NIM1K: variants seen among roughly 807,000 people sequenced by gnomAD.
NIM1K encodes NIM1 serine/threonine protein kinase, also known as serine/threonine-protein kinase NIM1.
A neutral mutation model predicts 37.1 loss-of-function variants in NIM1K; 35 were observed. That is an observed-to-expected ratio of 0.94 (90% CI 0.72 to 1.25). NIM1K has a LOEUF of 1.25. NIM1K is among the 50% of genes most tolerant of loss of function. NIM1K has a pLI of 0.00. For synonymous variants in NIM1K, 234 were observed against 206.6 expected (o/e 1.13, Z -1.14); for missense variants, 564 against 548.0 (o/e 1.03, Z -0.29).
chr5:43,267,364 G>T (rs1428409114), intron 2 of NIM1K, among the ~76,000 whole-genome samples: 1 of 152,008 alleles, frequency 6.6e-6, no homozygotes, highest in Non-Finnish European at 1.5e-5. Flanking sequence ...AGTTAATCTA[G>T]TTAATGGTCT....
Position 43,251,751 on chromosome 5 carries a change from C to T in NIM1K, c.292+5684C>T, listed in dbSNP as rs1752870033. 1.3e-5 allele frequency among the ~76,000 whole-genome samples: 2 copies of T among 152,188 alleles called. 1 individual carries two copies. Among genetic ancestry groups the T allele is most frequent in the Admixed American group, 1.3e-4 (2 of 15,268 alleles). On this transcript the variant is annotated intron_variant, in intron 2 of 3. Transcript: ENST00000326035. ...CACACTTAATTATCAGAAGGTATAT[C>T]ATGGCCAAAAATGGTTGTTGCCAGT...
At chr5:43,265,425 T>A (rs1008360252) in intron 2 of NIM1K, among the ~76,000 whole-genome samples, 2 of 152,248 alleles carry the variant, frequency 1.3e-5, no homozygotes, top group African/African-American at 4.8e-5. Context: ...CTGAAGCTTG[T>A]GCATGCATCA....
chr5:43,225,068 T>C (rs1752435475), intron 1 of NIM1K, among the ~76,000 whole-genome samples: 1 of 152,122 alleles, frequency 6.6e-6, no homozygotes, highest in African/African-American at 2.4e-5. Context: ...GGAATTCTCA[T>C]TCATTTACAG....
intron 2 of NIM1K, among the ~76,000 whole-genome samples, chr5:43,256,899 GT>G (rs576260717): frequency 6.2e-4 from 95 of 152,170 alleles, no homozygotes; most frequent in Non-Finnish European, 1.1e-3. Flanking sequence ...TTCTACTAGG[GT>G]TTTCTAGGAT....
chr5:43,279,907 C>T (rs1579618117), intron 3 of NIM1K, 73 bp from the exon 4 acceptor site: 3 of 1,234,064 alleles, frequency 2.4e-6, no homozygotes, highest in East Asian at 4.7e-5. Context: ...CTCACTGTTT[C>T]AGAGCAACTG....
chr5:43,250,442 T>C (rs574641013), intron 2 of NIM1K, among the ~76,000 whole-genome samples: 7 of 152,316 alleles, frequency 4.6e-5, no homozygotes, highest in African/African-American at 1.7e-4. Flanking sequence ...CTTCTTTGCA[T>C]ATACGTATGA....
intron 1 of NIM1K, among the ~76,000 whole-genome samples, chr5:43,238,073 C>A (rs1184031309): frequency 7.5e-6 from 1 of 133,964 alleles, no homozygotes; most frequent in Non-Finnish European, 1.5e-5. Context: ...GATGGAGTCT[C>A]GCTCTGTCGC....
At chr5:43,225,334 G>C (rs6888146) in intron 1 of NIM1K, among the ~76,000 whole-genome samples, 1 of 148,756 alleles carries the variant, frequency 6.7e-6, no homozygotes, top group Non-Finnish European at 1.5e-5. Context: ...GTCTTATTTT[G>C]ATACCTCTCT....
chr5:43,218,875 A>T (rs1193152879), intron 1 of NIM1K, among the ~76,000 whole-genome samples: 1 of 151,958 alleles, frequency 6.6e-6, no homozygotes, highest in Non-Finnish European at 1.5e-5. Context: ...TGCAGGAATG[A>T]TATGGTTTGG....
At chr5:43,197,007 A>T (rs1451064253) in intron 1 of NIM1K, among the ~76,000 whole-genome samples, 1 of 147,284 alleles carries the variant, frequency 6.8e-6, no homozygotes, top group Non-Finnish European at 1.5e-5. Flanking sequence ...CCTGGTCTCA[A>T]ACTCCTGGGC....
intron 2 of NIM1K, among the ~76,000 whole-genome samples, chr5:43,262,929 G>C (rs759385680): frequency 6.6e-6 from 1 of 152,120 alleles, no homozygotes. Flanking sequence ...ATTTGCGTAT[G>C]TTGAATGAGC....
chr5:43,241,019 T>C (rs528729792), intron 1 of NIM1K, among the ~76,000 whole-genome samples: 10 of 152,162 alleles, frequency 6.6e-5, no homozygotes, highest in African/African-American at 2.2e-4. Flanking sequence ...CATACACTTG[T>C]AATTAATAGT....
intron 2 of NIM1K, among the ~76,000 whole-genome samples, chr5:43,262,781 C>T (rs1356708944): frequency 6.6e-6 from 1 of 152,060 alleles, no homozygotes; most frequent in Non-Finnish European, 1.5e-5. Context: ...TGATGCATTC[C>T]ATCAGTACCT....
At chr5:43,228,379 C>G (rs899426087) in intron 1 of NIM1K, among the ~76,000 whole-genome samples, 1 of 152,064 alleles carries the variant, frequency 6.6e-6, no homozygotes. Context: ...ATCTCCTGAC[C>G]TCGTGATCCG....
intron 1 of NIM1K, among the ~76,000 whole-genome samples, chr5:43,205,603 T>A (rs1752096782): frequency 6.6e-6 from 1 of 151,926 alleles, no homozygotes; most frequent in Non-Finnish European, 1.5e-5. Flanking sequence ...AAATACAAAT[T>A]AAAAAAAATG....
At chr5:43,194,259 G>A (rs114602722) in intron 1 of NIM1K, among the ~76,000 whole-genome samples, 1 of 152,158 alleles carries the variant, frequency 6.6e-6, no homozygotes, top group Non-Finnish European at 1.5e-5. Flanking sequence ...ATGTAGGGGG[G>A]GATTCCTGCG....
intron 1 of NIM1K, among the ~76,000 whole-genome samples, chr5:43,239,746 C>G (rs1056149967): frequency 6.6e-6 from 1 of 152,078 alleles, no homozygotes; most frequent in African/African-American, 2.4e-5. Context: ...AGGCTGGTCT[C>G]AAACTCCTGA....
rs1753412616 is a variant in NIM1K, at chr5:43,280,068, T to C, written c.650T>C (p.Phe217Ser). The C allele has an allele frequency of 1.9e-6, 3 of 1,614,186 alleles. No individual in the cohort carries two copies. The highest frequency in any genetic ancestry group is 2.5e-6 in the Non-Finnish European group (3 of 1,180,028). ...NTCVKVGDFG[F>S]STVSKKGEML... Reference sequence around the variant, plus strand: ...TGTGTGAAGGTGGGCGATTTTGGATTCAGCACAGTAAGCAAAAAAGGTGAA... The same window carrying C: ...TGTGTGAAGGTGGGCGATTTTGGATCCAGCACAGTAAGCAAAAAAGGTGAA... The change falls in exon 4 of 4, where the codon TTC becomes TCC. Residue 217 changes from phenylalanine (F) to serine (S), a missense_variant. Phe to Ser is a radical substitution (Grantham distance 155, BLOSUM62 -2). Transcript: ENST00000326035.
intron 2 of NIM1K, among the ~76,000 whole-genome samples, chr5:43,257,828 G>A (rs1752968969): frequency 1.3e-5 from 2 of 151,312 alleles, no homozygotes; most frequent in Non-Finnish European, 2.9e-5. Context: ...GGGAGACTGA[G>A]CTGGGAGGAC....
Sources: allele counts gnomAD v4.1 joint callset (sites outside exome capture counted in the v4.1 genomes callset), GRCh38; gene constraint gnomAD v4.1.1; transcripts MANE v1.5; gene names NCBI Gene and HGNC (gene_info 2026-07-23, HGNC 2026-07-21).